The following BCAR1 variants were observed in gnomAD, a reference collection of about 807,000 sequenced individuals.
BCAR1 encodes BCAR1 scaffold protein, Cas family member.
Under a neutral mutation model 67.6 loss-of-function variants are expected in BCAR1, and 30 were observed. That is an observed-to-expected ratio of 0.44 (90% confidence interval 0.33 to 0.60). BCAR1 has a LOEUF of 0.60. Ranked by LOEUF, BCAR1 falls within the 20% of genes least tolerant of loss-of-function variation. BCAR1 has a pLI of 0.02. For synonymous variants in BCAR1, 626 were observed against 556.7 expected (o/e 1.12, Z -1.75); for missense variants, 1,313 against 1,222.3 (o/e 1.07, Z -1.11).
At chr16:75,265,697 C>T in intron 1 of BCAR1, 1 of 1,093,730 alleles carries the variant, frequency 9.1e-7, no homozygotes, top group African/African-American at 1.7e-5. Context: ...CCCCCGGGGC[C>T]GAGGAGGCCC....
chr16:75,239,618 G>A (rs958498872), intron 2 of BCAR1, among the ~76,000 whole-genome samples: 1 of 152,168 alleles, frequency 6.6e-6, no homozygotes, highest in African/African-American at 2.4e-5. Flanking sequence ...TCCCGGCTCT[G>A]GCACCCCCAG....
chr16:75,260,975 C>T lies in BCAR1; in HGVS notation c.66+6940G>A, dbSNP rs185402190. Among the ~76,000 whole-genome samples, 26 of 152,278 alleles carry T rather than the reference C, an allele frequency of 1.7e-4. 1 individual carries two copies. Among genetic ancestry groups the T allele is most frequent in the African/African-American group, 5.5e-4 (23 of 41,548 alleles). ...CTTCTGCCATAATCTGCTTCAAATC[C>T]TTCTTGGAATTTGGTAGGGCTTAAA... On this transcript the variant is annotated intron_variant, in intron 1 of 6. Transcript: ENST00000393422.
At chr16:75,231,108 T>C (rs1420925641) in intron 6 of BCAR1, among the ~76,000 whole-genome samples, 1 of 151,820 alleles carries the variant, frequency 6.6e-6, no homozygotes, top group Non-Finnish European at 1.5e-5. Context: ...CTTTTTTTTT[T>C]TTTTTTTAAA....
intron 6 of BCAR1, among the ~76,000 whole-genome samples, chr16:75,231,288 T>G (rs768496366): frequency 7.2e-5 from 11 of 152,146 alleles, no homozygotes; most frequent in Non-Finnish European, 1.3e-4. Flanking sequence ...TTTCACCATG[T>G]TGGCCAAGCT....
At position 75,237,180 on chromosome 16, in the gene BCAR1, T is replaced by C; in HGVS notation, c.795+3A>G. The stretch of plus-strand genomic sequence containing the variant: ...CTCCCACCGCTGCGCACCCCACACC[T>C]ACCTCCTGGCCATACTGGCTGGGAA... On this transcript the variant is annotated splice_donor_region_variant and intron_variant, in intron 3 of 6. Coordinates refer to ENST00000162330, the MANE Select transcript of BCAR1 (RefSeq NM_014567.5). 6.4e-7 allele frequency: 1 copy of C among 1,570,734 alleles called. No homozygotes were observed. The highest frequency in any genetic ancestry group is 1.9e-5 in the Admixed American group (1 of 53,388).
At chr16:75,252,686 G>A (rs2151465222), upstream of BCAR1, among the ~76,000 whole-genome samples, 1 of 152,340 alleles carries the variant, frequency 6.6e-6, no homozygotes, top group South Asian at 2.1e-4. Context: ...GGAAGCAGCG[G>A]GGTAGACCCG....
intron 4 of BCAR1, chr16:75,236,661 T>TGGA (rs2077147450): frequency 2.2e-6 from 2 of 890,154 alleles, no homozygotes; most frequent in South Asian, 6.0e-5. Context: ...CAGGAGCTCA[T>TGGA]GGAGAAGGCC....
intron 2 of BCAR1, among the ~76,000 whole-genome samples, chr16:75,240,457 G>A (rs2077301112): frequency 6.6e-6 from 1 of 152,228 alleles, no homozygotes; most frequent in Admixed American, 6.5e-5. Flanking sequence ...AGGCGGCTCA[G>A]GGACAAGCTT....
chr16:75,263,436 C>T, intron 1 of BCAR1: 2 of 985,320 alleles, frequency 2.0e-6, no homozygotes, highest in Non-Finnish European at 2.4e-6. Context: ...CCAGGCAGCA[C>T]ACGAGCACTG....
At position 75,235,208 on chromosome 16, in the gene BCAR1, G is replaced by C. The variant is rs1281470105; in HGVS notation, c.1691C>G (p.Ala564Gly). 6.2e-7 allele frequency: 1 copy of C among 1,608,170 alleles called. No individual in the cohort carries two copies. Among genetic ancestry groups the C allele is most frequent in the African/African-American group, 1.3e-5 (1 of 74,886 alleles). ...TLVAHGQALDAGRGGSGATLE... is the reference protein window; with the variant it reads ...TLVAHGQALDGGRGGSGATLE... ...GGTGGCTCCAGAGCCTCCCCGGCCA[G>C]CGTCGAGGGCCTGACCATGTGCCAC... is the stretch of plus-strand genomic sequence containing the variant. Residue 564 changes from alanine to glycine, a missense_variant, in exon 5 of 7, where the codon GCT becomes GGT. This residue lies in a region of BCAR1 where 1,272 missense variants were observed against 1,137.5 expected (regional missense o/e 1.12). Coordinates refer to ENST00000162330, the MANE Select transcript of BCAR1 (RefSeq NM_014567.5).
At chr16:75,240,118 C>T (rs947453127) in intron 2 of BCAR1, among the ~76,000 whole-genome samples, 1 of 152,208 alleles carries the variant, frequency 6.6e-6, no homozygotes, top group Non-Finnish European at 1.5e-5. Flanking sequence ...AACCACTGGA[C>T]CCTGCTCCAG....
chr16:75,266,653 C>T lies in BCAR1; in HGVS notation c.66+1262G>A. The T allele has an allele frequency of 4.2e-6, 5 of 1,186,842 alleles. No homozygotes were observed. The South Asian group carries it at 1.2e-4, about 29-fold the overall frequency. The allele number at this position is 1,186,842 out of a possible 1,614,324, so 73.5% of individuals were successfully genotyped here. The stretch of plus-strand genomic sequence containing the variant: ...GTTCGTCCCCATCGCTCCACTCCTG[C>T]CAGGCAGGCCTTGCTGATGCCCCGT... On this transcript the variant is annotated intron_variant, in intron 1 of 6. Transcript: ENST00000393422.
At chr16:75,262,072 A>G (rs559651251) in intron 1 of BCAR1, among the ~76,000 whole-genome samples, 31 of 152,328 alleles carry the variant, frequency 2.0e-4, no homozygotes, top group African/African-American at 7.0e-4. Context: ...CTCAAGGCAC[A>G]GAGCCAACAC....
At chr16:75,245,910 C>T (rs1001725809) in intron 1 of BCAR1, 9 of 146,382 alleles carry the variant, frequency 6.1e-5, no homozygotes, top group African/African-American at 2.3e-4. Context: ...CTTAGCCTCT[C>T]TGAGCATCTA....
At chr16:75,262,926 C>G (rs1406579990) in intron 1 of BCAR1, among the ~76,000 whole-genome samples, 1 of 152,198 alleles carries the variant, frequency 6.6e-6, no homozygotes, top group African/African-American at 2.4e-5. Context: ...TGCTGTCCAC[C>G]GCTCAACAGG....
intron 1 of BCAR1, chr16:75,248,677 T>G (rs1409859817): frequency 5.9e-6 from 1 of 169,820 alleles, no homozygotes; most frequent in Non-Finnish European, 1.3e-5. Flanking sequence ...AGCAAGGGTG[T>G]GAGCAGACTA....
At chr16:75,241,987 C>T (rs2077357036) in intron 2 of BCAR1, among the ~76,000 whole-genome samples, 1 of 152,306 alleles carries the variant, frequency 6.6e-6, no homozygotes, top group Middle Eastern at 3.4e-3. Flanking sequence ...ACCATACGCA[C>T]CCGCTGGCCC....
upstream of BCAR1, among the ~76,000 whole-genome samples, chr16:75,253,186 G>A (rs1301171255): frequency 6.6e-6 from 1 of 152,120 alleles, no homozygotes; most frequent in African/African-American, 2.4e-5. Context: ...TTGTTCCCAA[G>A]AGCTGTGCCG....
At chr16:75,261,965 C>G (rs1373558660) in intron 1 of BCAR1, among the ~76,000 whole-genome samples, 3 of 152,198 alleles carry the variant, frequency 2.0e-5, no homozygotes, top group South Asian at 2.1e-4. Context: ...TCTGGTCACC[C>G]CTCACCAAAT....
Sources: allele counts gnomAD v4.1 joint callset (sites outside exome capture counted in the v4.1 genomes callset), GRCh38; gene constraint gnomAD v4.1.1; regional missense constraint gnomAD v4.1.1; transcripts MANE v1.5; gene names NCBI Gene and HGNC (gene_info 2026-07-23, HGNC 2026-07-21).